Variants in RYR2 observed in about 807,000 individuals in gnomAD.
RYR2 encodes the protein ryanodine receptor 2, also known as cardiac muscle ryanodine receptor-calcium release channel.
In RYR2, 227 loss-of-function variants were observed where a neutral mutation model predicts 601.1. The observed-to-expected ratio is 0.38, with a 90% CI of 0.34 to 0.42. RYR2 has a LOEUF of 0.42. Among genes scored for constraint, RYR2 ranks in the 10% least tolerant of loss-of-function variants. The probability of loss-of-function intolerance (pLI) is 1.00; values close to 1 mark genes in which losing one functional copy is unlikely to be tolerated. For missense variants in RYR2, 4,646 were observed against 6,156.5 expected, an observed-to-expected ratio of 0.75 and a Z score of 8.21; for synonymous variants, 2,223 against 2,175.1, an observed-to-expected ratio of 1.02 and a Z score of -0.61.
Position 237,589,835 on chromosome 1 carries a change from G to A in RYR2, c.3641G>A (p.Arg1214Lys), listed in dbSNP as rs775350665. The change falls in exon 30 of 105, where the codon AGG (arginine) becomes AAG (lysine). Residue 1214 changes from arginine (R) to lysine (K), a missense_variant. Around this residue, in one of 17 missense-constraint regions of RYR2, gnomAD observed 1,807 missense variants for 2,088.1 expected, o/e 0.87. Transcript: ENST00000366574. Reference sequence around the variant, plus strand: ...AGCCTTGGAGTGGCTCAAGTGGGTAGGATGAACTTTGGAAAGGATGTCAGC... The same window carrying A: ...AGCCTTGGAGTGGCTCAAGTGGGTAAGATGAACTTTGGAAAGGATGTCAGC... ...VCSLGVAQVG[R>K]MNFGKDVSTL... The A allele has an allele frequency of 6.2e-7, 1 of 1,613,792 alleles. No homozygotes were observed.
intron 80 of RYR2, among the ~76,000 whole-genome samples, chr1:237,746,466 C>T (rs1390457010): frequency 1.3e-5 from 2 of 151,950 alleles, no homozygotes; most frequent in Non-Finnish European, 2.9e-5. Flanking sequence ...ATGAAGAATG[C>T]AGTAAAGCTC....
intron 1 of RYR2, among the ~76,000 whole-genome samples, chr1:237,161,525 G>A (rs913610666): frequency 1.1e-4 from 16 of 147,904 alleles, no homozygotes; most frequent in African/African-American, 4.2e-4. Context: ...TTTACATAAG[G>A]GATATATAAT....
At position 237,337,238 on chromosome 1, in the gene RYR2, C is replaced by A. The variant is rs368837883; in HGVS notation, c.273+6256C>A. Among the ~76,000 whole-genome samples the A allele has an allele frequency of 3.8e-5, 5 of 131,264 alleles. No homozygotes were observed. The Admixed American group carries it at 4.3e-4, about 11-fold the overall frequency. 86.1% of individuals were successfully genotyped at this position (131,264 alleles called of 152,430 possible). A position where few individuals can be genotyped will look rare whatever the true frequency, so the allele number is the denominator to read the frequency against. On this transcript the variant is annotated intron_variant, in intron 3 of 104. Coordinates refer to ENST00000366574, the MANE Select transcript of RYR2 (RefSeq NM_001035.3). ...CTGCACTCCAGCCTGGGCAACAGAG[C>A]GAGTATCCATCTCAAAAAAAAAAAA... is the stretch of plus-strand genomic sequence containing the variant.
chr1:237,724,501 G>C (rs541894167), intron 74 of RYR2, among the ~76,000 whole-genome samples: 7 of 151,732 alleles, frequency 4.6e-5, no homozygotes, highest in African/African-American at 1.4e-4. Context: ...CACTTGATGA[G>C]ATTAAAGTCA....
chr1:237,538,086 T>C (rs1668835505), intron 25 of RYR2, among the ~76,000 whole-genome samples: 2 of 152,062 alleles, frequency 1.3e-5, no homozygotes, highest in African/African-American at 4.8e-5. Context: ...AGGAGGAATA[T>C]AACTAGTCTT....
Position 237,757,663 on chromosome 1 carries a change from G to A in RYR2, c.11246-34G>A, listed in dbSNP as rs540132762. On this transcript the variant is annotated intron_variant, in intron 81 of 104. Coordinates refer to ENST00000366574, the MANE Select transcript of RYR2 (RefSeq NM_001035.3). ...AATAGGTTAATATAGAAGGCGAAAT[G>A]ATATAAGGAACACTACTTTTTTATA... 139 of 1,378,552 alleles carry A rather than the reference G, an allele frequency of 1.0e-4. 1 individual carries two copies. The South Asian group carries it at 1.6e-3, about 15-fold the overall frequency. The allele number at this position is 1,378,552 out of a possible 1,614,324, so 85.4% of individuals were successfully genotyped here.
At chr1:237,511,857 A>AAC in intron 24 of RYR2, 66 bp downstream of exon 24, 1 of 951,164 alleles carries the variant, frequency 1.1e-6, no homozygotes, top group East Asian at 2.9e-5. Flanking sequence ...AAAAAAAAAA[A>AAC]AACAGGTATT....
chr1:237,270,901 A>T (rs963724748), intron 2 of RYR2, among the ~76,000 whole-genome samples: 5 of 152,226 alleles, frequency 3.3e-5, no homozygotes, highest in African/African-American at 1.2e-4. Flanking sequence ...TTGAAAACTG[A>T]TAAGGGCTAG....
chr1:237,692,367 C>T (rs1687019302), intron 63 of RYR2, among the ~76,000 whole-genome samples: 1 of 152,160 alleles, frequency 6.6e-6, no homozygotes, highest in Admixed American at 6.5e-5. Context: ...CTCTGAATCC[C>T]CTCCTGCTTC....
intron 35 of RYR2, among the ~76,000 whole-genome samples, chr1:237,608,492 G>T (rs1199429694): frequency 6.6e-6 from 1 of 152,114 alleles, no homozygotes; most frequent in East Asian, 1.9e-4. Context: ...GAGCCCAGAA[G>T]TTTGAAACCA....
chr1:237,716,238 C>T (rs1248341167), intron 71 of RYR2, among the ~76,000 whole-genome samples: 1 of 152,096 alleles, frequency 6.6e-6, no homozygotes, highest in African/African-American at 2.4e-5. Context: ...TGCTATGATA[C>T]ACTTTACCTT....
At chr1:237,501,000 G>A in intron 21 of RYR2, 97 bp downstream of exon 21, 2 of 1,200,788 alleles carry the variant, frequency 1.7e-6, no homozygotes, top group Non-Finnish European at 2.4e-6. Flanking sequence ...TCTAACCATT[G>A]TTTGTCTCTC....
At chr1:237,319,323 A>C (rs1343573845) in intron 2 of RYR2, among the ~76,000 whole-genome samples, 6 of 152,136 alleles carry the variant, frequency 3.9e-5, no homozygotes, top group Non-Finnish European at 8.8e-5. Flanking sequence ...TCTCAAGACT[A>C]TGTTTTCCCC....
rs376923538 is a variant in RYR2 at position 237,500,767 on chromosome 1, G to T, written c.2260G>T (p.Val754Phe). The change falls in exon 21 of 105, where the codon GTC (valine) becomes TTC (phenylalanine). Residue 754 changes from valine (V) to phenylalanine (F), a missense_variant. Val to Phe is a conservative substitution (Grantham distance 50, BLOSUM62 -1). Transcript: ENST00000366574. ...CCAACATCTGTTAAGAACTGATGATGTCATCAGTTGCTGTTTAGATCTGAG... is the reference window on the plus strand; with the variant it reads ...CCAACATCTGTTAAGAACTGATGATTTCATCAGTTGCTGTTTAGATCTGAG... ...PNQHLLRTDD[V>F]ISCCLDLSAP... is the part of the protein sequence containing the mutation. 2 of 1,613,720 alleles carry T rather than the reference G, an allele frequency of 1.2e-6. No individual in the cohort carries two copies. The highest frequency in any genetic ancestry group is 2.7e-5 in the African/African-American group (2 of 74,896).
At chr1:237,198,528 A>C (rs553739082) in intron 1 of RYR2, among the ~76,000 whole-genome samples, 1 of 151,344 alleles carries the variant, frequency 6.6e-6, no homozygotes, top group East Asian at 1.9e-4. Context: ...ATTTAGGAGA[A>C]ATGCTAAAGG....
intron 63 of RYR2, among the ~76,000 whole-genome samples, chr1:237,695,412 T>A (rs143822144): frequency 2.9e-3 from 444 of 152,234 alleles, no homozygotes; most frequent in African/African-American, 9.9e-3. Flanking sequence ...TGATGAGAGG[T>A]GTGTATCTGA....
chr1:237,594,912 T>TGG (rs1559084290), intron 33 of RYR2, among the ~76,000 whole-genome samples: 2 of 73,266 alleles, frequency 2.7e-5, no homozygotes, highest in Non-Finnish European at 3.3e-5. Context: ...TTTTTTTTTT[T>TGG]TTTTTTTTTT....
rs776405427 is a variant in RYR2 at position 237,590,635 on chromosome 1, G to C, written c.3808-5G>C. ...AATGTGAACTATCGCTTCTTCGTTT[G>C]CTAGGTGACCAGAATAGACGGCACC... On this transcript the variant is annotated splice_region_variant and splice_polypyrimidine_tract_variant and intron_variant, in intron 30 of 104. Coordinates refer to ENST00000366574, the MANE Select transcript of RYR2 (RefSeq NM_001035.3). 2.7e-5 allele frequency: 41 copies of C among 1,498,834 alleles called. No individual in the cohort carries two copies. The highest frequency in any genetic ancestry group is 3.5e-5 in the Non-Finnish European group (39 of 1,123,768). The allele number at this position is 1,498,834 out of a possible 1,614,324, so 92.8% of individuals were successfully genotyped here. A position where few individuals can be genotyped will look rare whatever the true frequency, so the allele number is the denominator to read the frequency against.
rs541481667 is a variant in RYR2, at chr1:237,225,233, G to A, written c.49-45264G>A. Among the ~76,000 whole-genome samples, 230 of 152,256 alleles carry A rather than the reference G, an allele frequency of 1.5e-3. 2 individuals carry two copies. The highest frequency in any genetic ancestry group is 5.2e-3 in the African/African-American group (216 of 41,560). On this transcript the variant is annotated intron_variant, in intron 1 of 104. Transcript: ENST00000366574. ...AGATTAAAATATCAAATTTATTACC[G>A]ACAGAGAGCTTGTTCTTGGGAACTG...
Sources: allele counts gnomAD v4.1 joint callset (sites outside exome capture counted in the v4.1 genomes callset), GRCh38; gene constraint gnomAD v4.1.1; regional missense constraint gnomAD v4.1.1; transcripts MANE v1.5; gene names NCBI Gene and HGNC (gene_info 2026-07-23, HGNC 2026-07-21).